Variants in C2orf69 observed in about 807,000 individuals in gnomAD.
C2orf69 encodes mitochondrial protein C2orf69.
A neutral mutation model predicts 29.5 loss-of-function variants in C2orf69; 19 were observed. That is an observed-to-expected ratio of 0.65 (90% CI 0.45 to 0.95). C2orf69 has a LOEUF of 0.95. Among genes scored for constraint, C2orf69 ranks in the 40% least tolerant of loss-of-function variants. The pLI, the probability that C2orf69 is intolerant of heterozygous loss-of-function variation, is 0.00. For synonymous variants in C2orf69, 194 were observed against 180.0 expected (o/e 1.08, Z -0.62); for missense variants, 416 against 482.1 (o/e 0.86, Z 1.28).
Position 199,928,246 on chromosome 2 carries a change from A to G in C2orf69, c.*2360A>G, listed in dbSNP as rs917781585. On this transcript the variant is annotated 3_prime_UTR_variant, in exon 2 of 2. Coordinates refer to ENST00000319974, the MANE Select transcript of C2orf69 (RefSeq NM_153689.6). ...GTTACCACCACAGCATGAATGTATA[A>G]TTGTATTAAAATTGATCATCCACAG... is the stretch of plus-strand genomic sequence containing the variant. 1.3e-5 allele frequency: 2 copies of G among 152,600 alleles called. No homozygotes were observed. The highest frequency in any genetic ancestry group is 2.9e-5 in the Non-Finnish European group (2 of 68,018). The allele number at this position is 152,600 out of a possible 1,614,324, so 9.5% of individuals were successfully genotyped here. A position where few individuals can be genotyped will look rare whatever the true frequency, so the allele number is the denominator to read the frequency against.
Position 199,911,543 on chromosome 2 carries a change from G to C in C2orf69, c.105G>C (p.Pro35=). 1.3e-6 allele frequency: 2 copies of C among 1,549,726 alleles called. No homozygotes were observed. The highest frequency in any genetic ancestry group is 1.7e-6 in the Non-Finnish European group (2 of 1,146,706). Residue 35 remains proline (P), a synonymous_variant, in exon 1 of 2, where the codon CCG becomes CCC. Coordinates refer to ENST00000319974, the MANE Select transcript of C2orf69 (RefSeq NM_153689.6). ...GCTCTCAGGCCAGAACCATGAACCC[G>C]GGCGGCAGCGGCGGCGCGCGATGCT... The part of the protein sequence containing the change: ...SSCSQARTMN[P]GGSGGARCSL...
At chr2:199,913,186 T>TATATAATATATA (rs2077275142) in intron 1 of C2orf69, among the ~76,000 whole-genome samples, 1 of 105,182 alleles carries the variant, frequency 9.5e-6, no homozygotes, top group South Asian at 2.5e-4. Context: ...TATAAAATTA[T>TATATAATATATA]ATATATTATA....
intron 1 of C2orf69, among the ~76,000 whole-genome samples, chr2:199,915,716 C>A (rs1279381844): frequency 2.0e-5 from 3 of 151,968 alleles, no homozygotes; most frequent in African/African-American, 7.2e-5. Flanking sequence ...GGGGTTTCAC[C>A]ATGTTGACCA....
At position 199,911,474 on chromosome 2, in the gene C2orf69, G is replaced by A. The variant is rs771430930; in HGVS notation, c.36G>A (p.Leu12=). The A allele has an allele frequency of 5.8e-6, 9 of 1,545,962 alleles. No individual in the cohort carries two copies. The African/African-American group carries it at 6.9e-5, about 12-fold the overall frequency. Residue 12 remains leucine (L), a synonymous_variant, in exon 1 of 2, where the codon TTG becomes TTA. Transcript: ENST00000319974. Reference sequence around the variant, plus strand: ...TCAGGCTCCTGCGGTCGCCGCCGTTGCTGCTCCTGCTGCCGCAGCTCGGAA... The same window carrying A: ...TCAGGCTCCTGCGGTCGCCGCCGTTACTGCTCCTGCTGCCGCAGCTCGGAA... The part of the protein sequence containing the change: ...WGFRLLRSPP[L]LLLLPQLGIG...
intron 1 of C2orf69, among the ~76,000 whole-genome samples, chr2:199,920,784 A>G (rs62178352): frequency 2.6e-5 from 4 of 150,960 alleles, no homozygotes; most frequent in Non-Finnish European, 5.9e-5. Context: ...GTGAAACCCC[A>G]TCTCTACTAA....
At chr2:199,921,266 A>G (rs2077314958) in intron 1 of C2orf69, among the ~76,000 whole-genome samples, 1 of 152,072 alleles carries the variant, frequency 6.6e-6, no homozygotes, top group Admixed American at 6.5e-5. Context: ...TCGGCCTCCC[A>G]AAGTGCTGGG....
chr2:199,913,370 AT>A (rs2077279939), intron 1 of C2orf69, among the ~76,000 whole-genome samples: 1 of 67,886 alleles, frequency 1.5e-5, no homozygotes, highest in Non-Finnish European at 2.7e-5. Flanking sequence ...ATATTCTATT[AT>A]GATATATATT....
rs549294161 is a variant in C2orf69, at chr2:199,923,794, T to G, written c.334-1268T>G. Among the ~76,000 whole-genome samples, 3 of 152,314 alleles carry G rather than the reference T, an allele frequency of 2.0e-5. No individual in the cohort carries two copies. In the South Asian group the frequency reaches 6.2e-4, roughly 32 times the overall value. ...CTTTTTAAAATCTGGCACTTGAAAA[T>G]TTTAAATGTGGCTCATGTTTTATTT... On this transcript the variant is annotated intron_variant, in intron 1 of 1. Transcript: ENST00000319974.
intron 1 of C2orf69, among the ~76,000 whole-genome samples, chr2:199,913,406 TAA>T (rs1553564880): frequency 1.2e-5 from 1 of 85,764 alleles, no homozygotes; most frequent in Non-Finnish European, 2.1e-5. Context: ...ATATTATATA[TAA>T]TATATATTCT....
intron 1 of C2orf69, among the ~76,000 whole-genome samples, chr2:199,913,804 AAAT>A (rs780378654): frequency 6.6e-6 from 1 of 151,890 alleles, no homozygotes; most frequent in Non-Finnish European, 1.5e-5. Flanking sequence ...TGCATTCCTA[AAAT>A]AATGATGATG....
At position 199,927,962 on chromosome 2, in the gene C2orf69, G is replaced by A. The variant is rs2077342114; in HGVS notation, c.*2076G>A. On this transcript the variant is annotated 3_prime_UTR_variant, in exon 2 of 2. Coordinates refer to ENST00000319974, the MANE Select transcript of C2orf69 (RefSeq NM_153689.6). ...GAATGCTTAATTATAATTGTTACAT[G>A]TTGAATGGGTATTAAGAGTAAGTCA... is the stretch of plus-strand genomic sequence containing the variant. 6.6e-6 allele frequency: 1 copy of A among 152,218 alleles called. No individual in the cohort carries two copies. Among genetic ancestry groups the A allele is most frequent in the East Asian group, 1.9e-4 (1 of 5,198 alleles). The allele number at this position is 152,218 out of a possible 1,614,324, so 9.4% of individuals were successfully genotyped here.
Position 199,911,628 on chromosome 2 carries a change from G to A in C2orf69, c.190G>A (p.Asp64Asn), listed in dbSNP as rs746356835. 4.5e-6 allele frequency: 7 copies of A among 1,549,360 alleles called. No homozygotes were observed. Among genetic ancestry groups the A allele is most frequent in the African/African-American group, 1.4e-5 (1 of 73,034 alleles). Residue 64 changes from aspartate to asparagine, a missense_variant, in exon 1 of 2, where the codon GAT becomes AAT. Asp to Asn is a conservative substitution (Grantham distance 23). Coordinates refer to ENST00000319974, the MANE Select transcript of C2orf69 (RefSeq NM_153689.6). ...GCAGCTTTCCACCGTGCCTGGAGCC[G>A]ATCCGCAGCGCAGCAACGAATTGCT... ...CLQLSTVPGADPQRSNELLLL... is the reference protein window; with the variant it reads ...CLQLSTVPGANPQRSNELLLL...
chr2:199,916,726 T>C (rs1369435023), intron 1 of C2orf69, among the ~76,000 whole-genome samples: 1 of 152,230 alleles, frequency 6.6e-6, no homozygotes, highest in Non-Finnish European at 1.5e-5. Flanking sequence ...TTTAACTCCA[T>C]GTCTCATATC....
In C2orf69 at chr2:199,911,791, G is replaced by T. The variant is rs973459800; in HGVS notation, c.333+20G>T. The T allele has an allele frequency of 2.6e-6, 4 of 1,536,908 alleles. No homozygotes were observed. The highest frequency in any genetic ancestry group is 3.5e-6 in the Non-Finnish European group (4 of 1,146,850). On this transcript the variant is annotated intron_variant, in intron 1 of 1. Transcript: ENST00000319974. ...GTGCAGGTAACTCGGGGCCTGCCTGGGTATCTGTTCCTTCCTCTCGTGTAT... is the reference window on the plus strand; with the variant it reads ...GTGCAGGTAACTCGGGGCCTGCCTGTGTATCTGTTCCTTCCTCTCGTGTAT...
In C2orf69 at chr2:199,926,815, TG is replaced by T. The variant is rs2077336886; in HGVS notation, c.*930del. The T allele has an allele frequency of 6.6e-6, 1 of 152,622 alleles. No individual in the cohort carries two copies. The highest frequency in any genetic ancestry group is 1.5e-5 in the Non-Finnish European group (1 of 68,030). The allele number at this position is 152,622 out of a possible 1,614,324, so 9.5% of individuals were successfully genotyped here. On this transcript the variant is annotated 3_prime_UTR_variant, in exon 2 of 2. Coordinates refer to ENST00000319974, the MANE Select transcript of C2orf69 (RefSeq NM_153689.6). ...CATATTTATGTATATTGGATAAAAA[TG>T]TACTACAGAGCAAATTTCAAATTTT...
At chr2:199,913,858 A>G (rs1355895138) in intron 1 of C2orf69, among the ~76,000 whole-genome samples, 1 of 152,062 alleles carries the variant, frequency 6.6e-6, no homozygotes, top group Non-Finnish European at 1.5e-5. Context: ...AGTGTTTTTA[A>G]AGTGTGCCAG....
rs769063796 is a variant in C2orf69, at chr2:199,925,919, G to T, written c.*33G>T. 1.4e-6 allele frequency: 2 copies of T among 1,407,870 alleles called. No individual in the cohort carries two copies. Among genetic ancestry groups the T allele is most frequent in the Admixed American group, 1.9e-5 (1 of 52,108 alleles). 87.2% of individuals were successfully genotyped at this position (1,407,870 alleles called of 1,614,324 possible). ...GGTATATTAATGAACTTGTTCAGTG[G>T]AAGAACATAAGCACTTTTGAGTGTT... On this transcript the variant is annotated 3_prime_UTR_variant, in exon 2 of 2. Coordinates refer to ENST00000319974, the MANE Select transcript of C2orf69 (RefSeq NM_153689.6). The surrounding 1 kb of genome is among the most constrained non-coding windows in gnomAD (Gnocchi z 4.9).
In C2orf69 at chr2:199,927,308, T is replaced by TAAAAAAAA. The variant is rs57970244; in HGVS notation, c.*1435_*1442dup. 1.4e-4 allele frequency: 16 copies of TAAAAAAAA among 115,446 alleles called. No homozygotes were observed. Among genetic ancestry groups the TAAAAAAAA allele is most frequent in the Non-Finnish European group, 1.6e-4 (9 of 55,916 alleles). 7.2% of individuals were successfully genotyped at this position (115,446 alleles called of 1,614,324 possible). ...GGGAAGTAACATGCTGCTTTAGGAC[T>TAAAAAAAA]AAAAAAAAAAAAAAAAAAAAGACAC... is the stretch of plus-strand genomic sequence containing the variant. On this transcript the variant is annotated 3_prime_UTR_variant, in exon 2 of 2. Transcript: ENST00000319974.
At chr2:199,918,724 C>A (rs933379380) in intron 1 of C2orf69, among the ~76,000 whole-genome samples, 4 of 152,102 alleles carry the variant, frequency 2.6e-5, no homozygotes, top group African/African-American at 9.7e-5. Flanking sequence ...TATGTAACCA[C>A]CAAAATCATG....
Sources: allele counts gnomAD v4.1 joint callset (sites outside exome capture counted in the v4.1 genomes callset), GRCh38; gene constraint gnomAD v4.1.1; non-coding constraint Gnocchi (gnomAD v3.1); transcripts MANE v1.5; gene names NCBI Gene and HGNC (gene_info 2026-07-23, HGNC 2026-07-21).